Variants in SPATA16 observed in about 807,000 individuals in gnomAD.
SPATA16 encodes the protein spermatogenesis associated 16, also known as spermatogenesis-associated protein 16.
In SPATA16, 36 loss-of-function variants were observed where a neutral mutation model predicts 63.3. The ratio of observed to expected loss-of-function variants is 0.57; its 90% CI spans 0.44 to 0.75. The LOEUF (loss-of-function observed/expected upper bound fraction) is 0.75, where lower values mean the gene tolerates loss of function less well. SPATA16 is among the 30% of genes least tolerant of loss of function. The pLI is 0.00. For missense variants in SPATA16, 646 were observed against 679.3 expected (o/e 0.95, Z 0.54); for synonymous variants, 203 against 216.7 (o/e 0.94, Z 0.56).
chr3:173,048,896 C>T (rs575394260), intron 3 of SPATA16, 53 bp downstream of exon 3: 12 of 1,604,298 alleles, frequency 7.5e-6, no homozygotes, highest in Non-Finnish European at 1.0e-5. Flanking sequence ...TCAGATAGTA[C>T]CCTCCACTAG....
At chr3:173,038,189 C>CT (rs1352217746) in intron 3 of SPATA16, among the ~76,000 whole-genome samples, 1 of 151,824 alleles carries the variant, frequency 6.6e-6, no homozygotes, top group Admixed American at 6.6e-5. Context: ...GCATCTGAGT[C>CT]TTTTTTTTAT....
chr3:173,048,805 C>T, intron 3 of SPATA16, 144 bp downstream of exon 3: 1 of 1,047,874 alleles, frequency 9.5e-7, no homozygotes, highest in Non-Finnish European at 1.4e-6. Context: ...CCATGATTGC[C>T]TCACTTGACA....
At chr3:172,962,828 A>T (rs1014029851) in intron 5 of SPATA16, among the ~76,000 whole-genome samples, 1 of 152,146 alleles carries the variant, frequency 6.6e-6, no homozygotes, top group Admixed American at 6.5e-5. Context: ...ATTAATAATA[A>T]TGCAATTTTA....
chr3:172,998,413 C>T (rs1273708810), intron 4 of SPATA16, among the ~76,000 whole-genome samples: 1 of 152,050 alleles, frequency 6.6e-6, no homozygotes, highest in Admixed American at 6.6e-5. Context: ...ATGGTACAAT[C>T]ATTTATGAGT....
intron 1 of SPATA16, among the ~76,000 whole-genome samples, chr3:173,130,543 T>G (rs963817540): frequency 1.6e-4 from 25 of 152,068 alleles, no homozygotes; most frequent in African/African-American, 6.0e-4. Context: ...TGAGAAACCA[T>G]TGGTTGAGAT....
At chr3:173,069,112 G>GAAGAAAAAAAAAAAAAAAAAAAAAAAAAA (rs1736603715) in intron 2 of SPATA16, among the ~76,000 whole-genome samples, 7 of 109,176 alleles carry the variant, frequency 6.4e-5, no homozygotes, top group African/African-American at 2.2e-4. Flanking sequence ...TCCGTCTCAA[G>GAAGAAAAAAAAAAAAAAAAAAAAAAAAAA]AAAAAAAAAA....
At chr3:172,960,947 C>T (rs983830592) in intron 5 of SPATA16, among the ~76,000 whole-genome samples, 2 of 130,146 alleles carry the variant, frequency 1.5e-5, no homozygotes, top group East Asian at 2.3e-4. Context: ...TTCTCTCTTC[C>T]CCCCTCCCTC....
intron 8 of SPATA16, among the ~76,000 whole-genome samples, chr3:172,923,154 C>T (rs1019884935): frequency 3.3e-5 from 5 of 151,912 alleles, no homozygotes; most frequent in African/African-American, 1.2e-4. Flanking sequence ...GTGTGTGGGT[C>T]TTTAGGTTGG....
At chr3:173,130,053 TAA>T (rs1738330054) in intron 1 of SPATA16, among the ~76,000 whole-genome samples, 1 of 152,046 alleles carries the variant, frequency 6.6e-6, no homozygotes, top group South Asian at 2.1e-4. Flanking sequence ...TGGAGACAGG[TAA>T]AGATGAACAT....
chr3:173,045,852 G>A (rs528932163), intron 3 of SPATA16, among the ~76,000 whole-genome samples: 1 of 152,026 alleles, frequency 6.6e-6, no homozygotes, highest in East Asian at 1.9e-4. Context: ...GCTCTTGGTG[G>A]AAATATTTAA....
chr3:173,012,092 C>T (rs1735086702), intron 4 of SPATA16, among the ~76,000 whole-genome samples: 1 of 152,166 alleles, frequency 6.6e-6, no homozygotes, highest in South Asian at 2.1e-4. Flanking sequence ...CTTAAAATTC[C>T]GGGATTACAG....
At chr3:172,917,997 G>A (rs1328372337) in intron 8 of SPATA16, among the ~76,000 whole-genome samples, 1 of 152,164 alleles carries the variant, frequency 6.6e-6, no homozygotes, top group Non-Finnish European at 1.5e-5. Flanking sequence ...TTCAGTGAAT[G>A]TCTTCTTACT....
At chr3:172,971,076 G>T (rs1316934612) in intron 5 of SPATA16, among the ~76,000 whole-genome samples, 3 of 152,132 alleles carry the variant, frequency 2.0e-5, no homozygotes, top group Admixed American at 6.6e-5. Context: ...CTATTCACTT[G>T]CTGCTCCCTT....
intron 1 of SPATA16, among the ~76,000 whole-genome samples, chr3:173,120,680 G>A (rs1738039153): frequency 6.6e-6 from 1 of 152,022 alleles, no homozygotes; most frequent in African/African-American, 2.4e-5. Context: ...TTCTTCTAGA[G>A]CATAATTGTT....
chr3:172,986,603 C>T (rs142435122), intron 4 of SPATA16, among the ~76,000 whole-genome samples: 11 of 152,046 alleles, frequency 7.2e-5, no homozygotes, highest in African/African-American at 1.9e-4. Context: ...AGCTTGAACA[C>T]AGGTGCAGAG....
At chr3:173,083,903 G>C in intron 2 of SPATA16, among the ~76,000 whole-genome samples, 1 of 152,098 alleles carries the variant, frequency 6.6e-6, no homozygotes, top group East Asian at 1.9e-4. Flanking sequence ...TGGGCATTTG[G>C]ATTGATTCCA....
chr3:172,937,868 C>T lies in SPATA16; in HGVS notation c.1082-12376G>A, dbSNP rs144295669. ...CTGCTCACTATGGAACCATTGCAGA[C>T]GGGTATACATCATCCAGACAGACAG... is the stretch of plus-strand genomic sequence containing the variant. On this transcript the variant is annotated intron_variant, in intron 6 of 10. Coordinates refer to ENST00000351008, the MANE Select transcript of SPATA16 (RefSeq NM_031955.6). Among the ~76,000 whole-genome samples, 103 of 152,142 alleles carry T rather than the reference C, an allele frequency of 6.8e-4. 1 individual carries two copies. The highest frequency in any genetic ancestry group is 2.1e-3 in the African/African-American group (88 of 41,508).
intron 6 of SPATA16, among the ~76,000 whole-genome samples, chr3:172,927,209 C>G (rs1732758648): frequency 1.3e-5 from 2 of 152,312 alleles, no homozygotes; most frequent in South Asian, 4.1e-4. Context: ...ATCCTCACTA[C>G]TGAACTCTGT....
intron 4 of SPATA16, among the ~76,000 whole-genome samples, chr3:172,992,529 G>C (rs1734601623): frequency 6.6e-6 from 1 of 152,068 alleles, no homozygotes; most frequent in Admixed American, 6.6e-5. Context: ...GGGTGTGTGT[G>C]TTGGCTTGGT....
Sources: gnomAD v4.1 joint callset for allele counts (sites outside exome capture counted in the v4.1 genomes callset) on GRCh38, gnomAD v4.1.1 for gene constraint, MANE v1.5 for transcripts, NCBI Gene and HGNC (gene_info 2026-07-23, HGNC 2026-07-21) for gene names.